Variants in SP1 observed in about 807,000 individuals in gnomAD.
The protein encoded by SP1 is Sp1 transcription factor.
Under a neutral mutation model 66.3 loss-of-function variants are expected in SP1, and 6 were observed. The observed-to-expected ratio is 0.09, with a 90% CI of 0.05 to 0.18. SP1 has a LOEUF of 0.18. Among genes scored for constraint, SP1 ranks in the 10% least tolerant of loss-of-function variants. SP1 has a pLI of 1.00. For missense variants in SP1, 848 were observed against 964.5 expected (o/e 0.88, Z 1.60); for synonymous variants, 417 against 360.8 (o/e 1.16, Z -1.77).
At position 53,406,591 on chromosome 12, in the gene SP1, A is replaced by G. The variant is rs781039999; in HGVS notation, c.1682A>G (p.His561Arg). 3.7e-6 allele frequency: 6 copies of G among 1,613,908 alleles called. No individual in the cohort carries two copies. The highest frequency in any genetic ancestry group is 1.7e-5 in the Admixed American group (1 of 59,958). The part of the protein sequence containing the change: ...PLAIANAPGD[H>R]GAQLGLHGAG... ...TTTTCTCTCTTAATTTCAGGTGATC[A>G]TGGAGCTCAGCTTGGTCTCCATGGG... The change falls in exon 4 of 6, where the codon CAT (histidine) becomes CGT (arginine). Residue 561 changes from histidine to arginine, a missense_variant. Coordinates refer to ENST00000327443, the MANE Select transcript of SP1 (RefSeq NM_138473.3).
At position 53,382,846 on chromosome 12, in the gene SP1, C is replaced by A. The variant is rs764291077; in HGVS notation, c.899C>A (p.Thr300Asn). The stretch of plus-strand genomic sequence containing the variant: ...CAGGAGAGTGGCTCACAGCCTGTCA[C>A]CTCAGGGACTACCATCAGTTCTGCC... ...GSQESGSQPV[T>N]SGTTISSASL... Residue 300 changes from threonine to asparagine, a missense_variant, in exon 3 of 6, where the codon ACC becomes AAC. Coordinates refer to ENST00000327443, the MANE Select transcript of SP1 (RefSeq NM_138473.3). 1.9e-6 allele frequency: 3 copies of A among 1,614,186 alleles called. No individual in the cohort carries two copies. Among genetic ancestry groups the A allele is most frequent in the Non-Finnish European group, 2.5e-6 (3 of 1,180,022 alleles).
At chr12:53,399,552 C>T (rs939005399) in intron 3 of SP1, among the ~76,000 whole-genome samples, 3 of 152,092 alleles carry the variant, frequency 2.0e-5, no homozygotes, top group African/African-American at 7.2e-5. Flanking sequence ...AGAATGGTCT[C>T]GATCTCCTGA....
Position 53,383,601 on chromosome 12 carries a change from T to C in SP1, c.1654T>C (p.Leu552=), listed in dbSNP as rs757667826. The C allele has an allele frequency of 6.2e-7, 1 of 1,609,600 alleles. No homozygotes were observed. The change falls in exon 3 of 6, where the codon TTG becomes CTG. Residue 552 remains leucine, a synonymous_variant. Coordinates refer to ENST00000327443, the MANE Select transcript of SP1 (RefSeq NM_138473.3). ...GGTGCACCCAATTCAAGGCCTGCCGTTGGCTATAGCAAATGCCCCAGGTAA... is the reference window on the plus strand; with the variant it reads ...GGTGCACCCAATTCAAGGCCTGCCGCTGGCTATAGCAAATGCCCCAGGTAA... ...IQVHPIQGLP[L]AIANAPGDHG...
At chr12:53,384,346 G>A (rs1329908765) in intron 3 of SP1, among the ~76,000 whole-genome samples, 2 of 151,144 alleles carry the variant, frequency 1.3e-5, no homozygotes, top group Non-Finnish European at 1.5e-5. Context: ...GTGCAGTGGC[G>A]TGATCTCGGC....
At chr12:53,400,863 G>A (rs555874844) in intron 3 of SP1, among the ~76,000 whole-genome samples, 28 of 147,984 alleles carry the variant, frequency 1.9e-4, no homozygotes, top group East Asian at 6.1e-4. Context: ...CCAGGTTCAC[G>A]CCATTCTCCT....
intron 3 of SP1, among the ~76,000 whole-genome samples, chr12:53,384,039 G>T (rs981120781): frequency 6.7e-6 from 1 of 149,682 alleles, no homozygotes; most frequent in Non-Finnish European, 1.5e-5. Context: ...GCGCGATCTC[G>T]GCTCACTGCA....
At position 53,383,582 on chromosome 12, in the gene SP1, C is replaced by A; in HGVS notation, c.1635C>A (p.His545Gln). 1 of 1,612,988 alleles carries A rather than the reference C, an allele frequency of 6.2e-7. No homozygotes were observed. The highest frequency in any genetic ancestry group is 1.3e-5 in the African/African-American group (1 of 75,024). The change falls in exon 3 of 6, where the codon CAC (histidine) becomes CAA (glutamine). Residue 545 changes from histidine to glutamine, a missense_variant. His to Gln is a conservative substitution (Grantham distance 24). Transcript: ENST00000327443. ...SALGTSGIQVHPIQGLPLAIA... is the reference protein window; with the variant it reads ...SALGTSGIQVQPIQGLPLAIA... ...TGGGTACTTCAGGAATCCAGGTGCA[C>A]CCAATTCAAGGCCTGCCGTTGGCTA... is the stretch of plus-strand genomic sequence containing the variant.
At chr12:53,405,673 GGAAA>G (rs1938716281) in intron 3 of SP1, among the ~76,000 whole-genome samples, 1 of 148,552 alleles carries the variant, frequency 6.7e-6, no homozygotes, top group African/African-American at 2.6e-5. Context: ...AAAAAAGAAA[GGAAA>G]GAAAAGAGAG....
chr12:53,393,041 T>C (rs1383650869), intron 3 of SP1, among the ~76,000 whole-genome samples: 2 of 151,192 alleles, frequency 1.3e-5, no homozygotes, highest in African/African-American at 2.4e-5. Context: ...GGTCACCAGG[T>C]CTTGAACTCC....
chr12:53,381,188 G>C (rs909475550), intron 1 of SP1: 3 of 152,690 alleles, frequency 2.0e-5, no homozygotes, highest in African/African-American at 7.3e-5. Flanking sequence ...CCCGACCCCA[G>C]GTGATCTGCC....
At chr12:53,385,694 C>T (rs1201987800) in intron 3 of SP1, among the ~76,000 whole-genome samples, 1 of 152,010 alleles carries the variant, frequency 6.6e-6, no homozygotes, top group Non-Finnish European at 1.5e-5. Context: ...GTGAACAGAT[C>T]ATGAGGTCAG....
At chr12:53,381,506 A>G in intron 1 of SP1, 153 bp from the exon 2 acceptor site, 1 of 609,584 alleles carries the variant, frequency 1.6e-6, no homozygotes, top group East Asian at 3.0e-5. Flanking sequence ...CATGCCCTGC[A>G]GCTCCCCTCT....
chr12:53,389,516 T>C (rs1467276354), intron 3 of SP1, among the ~76,000 whole-genome samples: 1 of 151,990 alleles, frequency 6.6e-6, no homozygotes, highest in Non-Finnish European at 1.5e-5. Context: ...GCCGCTAATT[T>C]TTGCATTTTT....
At chr12:53,408,543 G>A (rs1938803741) in intron 4 of SP1, among the ~76,000 whole-genome samples, 1 of 151,578 alleles carries the variant, frequency 6.6e-6, no homozygotes, top group South Asian at 2.1e-4. Context: ...CAATCCACCT[G>A]CCTCGGCCTC....
chr12:53,382,708 C>G lies in SP1; in HGVS notation c.761C>G (p.Thr254Ser). 6.2e-7 allele frequency: 1 copy of G among 1,614,148 alleles called. No homozygotes were observed. The highest frequency in any genetic ancestry group is 1.1e-5 in the South Asian group (1 of 91,074). ...NVLSGQTQYV[T>S]NVPVALNGNI... ...CTCTCAGGACAGACTCAGTATGTGACCAATGTACCAGTGGCCCTGAATGGG... is the reference window on the plus strand; with the variant it reads ...CTCTCAGGACAGACTCAGTATGTGAGCAATGTACCAGTGGCCCTGAATGGG... The change falls in exon 3 of 6, where the codon ACC becomes AGC. Residue 254 changes from threonine (T) to serine (S), a missense_variant. Physicochemically the swap from Thr to Ser is moderately conservative, Grantham distance 58. Transcript: ENST00000327443.
chr12:53,389,081 A>G (rs543059523), intron 3 of SP1, among the ~76,000 whole-genome samples: 1 of 152,242 alleles, frequency 6.6e-6, no homozygotes, highest in South Asian at 2.1e-4. Flanking sequence ...ATGTAGAAAG[A>G]ACATTGGATG....
At chr12:53,397,624 C>T (rs2694854) in intron 3 of SP1, among the ~76,000 whole-genome samples, 9,943 of 143,196 alleles carry the variant, frequency 0.069, 1,110 homozygotes, top group African/African-American at 0.24. Flanking sequence ...TCCTGCTCTT[C>T]GCCCAGGCTG....
At chr12:53,393,859 A>T (rs1045947625) in intron 3 of SP1, among the ~76,000 whole-genome samples, 1 of 151,424 alleles carries the variant, frequency 6.6e-6, no homozygotes, top group African/African-American at 2.4e-5. Context: ...TGGTCTCCCA[A>T]AGTGCTGGGA....
In SP1 at chr12:53,406,742, C is replaced by T. The variant is rs1938748303; in HGVS notation, c.1833C>T (p.Asp611=). Residue 611 remains aspartate, a synonymous_variant, in exon 4 of 6, where the codon GAC becomes GAT. Transcript: ENST00000327443. ...CATGCACCTGCCCCTACTGTAAAGA[C>T]AGTGAAGGAAGGTGAGTTGACCCAG... The part of the protein sequence containing the change: ...REACTCPYCK[D]SEGRGSGDPG... 6.2e-7 allele frequency: 1 copy of T among 1,613,280 alleles called. No individual in the cohort carries two copies. Among genetic ancestry groups the T allele is most frequent in the Non-Finnish European group, 8.5e-7 (1 of 1,179,708 alleles).
Sources: gnomAD v4.1 joint callset for allele counts (sites outside exome capture counted in the v4.1 genomes callset) on GRCh38, gnomAD v4.1.1 for gene constraint, MANE v1.5 for transcripts, NCBI Gene and HGNC (gene_info 2026-07-23, HGNC 2026-07-21) for gene names.